BLM: variants seen among roughly 807,000 people sequenced by gnomAD.
BLM encodes recQ-like DNA helicase BLM.
Under a neutral mutation model 135.3 loss-of-function variants are expected in BLM, and 95 were observed. The ratio of observed to expected loss-of-function variants is 0.70; its 90% CI spans 0.59 to 0.83. The LOEUF (loss-of-function observed/expected upper bound fraction) is 0.83. Among genes scored for constraint, BLM ranks in the 40% least tolerant of loss-of-function variants. The pLI, the probability that BLM is intolerant of heterozygous loss-of-function variation, is 0.00. For synonymous variants in BLM, 520 were observed against 589.2 expected, an observed-to-expected ratio of 0.88 and a Z score of 1.70; for missense variants, 1,518 against 1,663.9, an observed-to-expected ratio of 0.91 and a Z score of 1.53.
intron 21 of BLM, among the ~76,000 whole-genome samples, chr15:90,812,344 C>T (rs72753655): frequency 6.6e-6 from 1 of 152,320 alleles, no homozygotes; most frequent in Non-Finnish European, 1.5e-5. Context: ...CTGTCTTCCC[C>T]TTCCCATGTT....
At chr15:90,789,267 G>A (rs1038964536) in intron 14 of BLM, among the ~76,000 whole-genome samples, 8 of 152,004 alleles carry the variant, frequency 5.3e-5, no homozygotes, top group African/African-American at 1.9e-4. Flanking sequence ...TTTTAAAAGC[G>A]CAGAAATAAA....
intron 14 of BLM, 38 bp downstream of exon 14, chr15:90,785,119 C>A (rs1369429881): frequency 1.3e-5 from 21 of 1,586,258 alleles, no homozygotes; most frequent in Non-Finnish European, 1.3e-5. Context: ...TAGAAATAAT[C>A]TTTTATAGCA....
chr15:90,814,593 C>T (rs994503976), intron 21 of BLM, among the ~76,000 whole-genome samples: 3 of 152,134 alleles, frequency 2.0e-5, no homozygotes, highest in African/African-American at 4.8e-5. Flanking sequence ...GCCAGGAAGA[C>T]GCCCAGCTTT....
intron 21 of BLM, among the ~76,000 whole-genome samples, chr15:90,813,128 C>T (rs1339794580): frequency 6.6e-6 from 1 of 152,184 alleles, no homozygotes. Context: ...GGCCTGCCCA[C>T]ACCTGCCCAG....
At chr15:90,751,212 A>G (rs1261191166) in intron 3 of BLM, among the ~76,000 whole-genome samples, 1 of 152,206 alleles carries the variant, frequency 6.6e-6, no homozygotes, top group African/African-American at 2.4e-5. Flanking sequence ...AAACCCCTGA[A>G]TCCCATTAAG....
Position 90,760,909 on chromosome 15 carries a change from A to G in BLM, c.1536A>G (p.Gly512=), listed in dbSNP as rs777277614. 19 of 1,611,710 alleles carry G rather than the reference A, an allele frequency of 1.2e-5. No homozygotes were observed. The highest frequency in any genetic ancestry group is 1.6e-4 in the Middle Eastern group (1 of 6,080). ...ACTGGGCTGAAACACCAAGACTAGG[A>G]AAAAAAAATGAAAGCTCTTATTTCC... ...SSNWAETPRL[G]KKNESSYFPG... is the part of the protein sequence containing the mutation. Residue 512 remains glycine, a synonymous_variant, in exon 7 of 22, where the codon GGA becomes GGG. Transcript: ENST00000355112.
chr15:90,742,277 C>T (rs1895384155), intron 1 of BLM, among the ~76,000 whole-genome samples: 2 of 150,802 alleles, frequency 1.3e-5, no homozygotes, highest in South Asian at 2.1e-4. Context: ...AACTCCTCCC[C>T]TTTGAACAGT....
intron 20 of BLM, 53 bp downstream of exon 20, chr15:90,809,312 G>A (rs112843609): frequency 5.0e-5 from 81 of 1,612,416 alleles, no homozygotes; most frequent in African/African-American, 4.9e-4. Flanking sequence ...GTGAAGCGAC[G>A]CGTCTCACTG....
intron 12 of BLM, among the ~76,000 whole-genome samples, chr15:90,780,891 A>G (rs1896601540): frequency 1.3e-5 from 2 of 152,266 alleles, no homozygotes; most frequent in Non-Finnish European, 2.9e-5. Flanking sequence ...GAGGATGTGC[A>G]TAGGTTATAT....
At position 90,749,677 on chromosome 15, in the gene BLM, A is replaced by G. The variant is rs890597009; in HGVS notation, c.409A>G (p.Lys137Glu). ...AAAGAAATCCCGGGATACTGCTCTC[A>G]AGAAATTAGAATTTAGTTCTTCACC... ...TVKKSRDTAL[K>E]KLEFSSSPDS... The change falls in exon 3 of 22, where the codon AAG becomes GAG. Residue 137 changes from lysine (K) to glutamate (E), a missense_variant. Physicochemically the swap from Lys to Glu is moderately conservative, Grantham distance 56. Coordinates refer to ENST00000355112, the MANE Select transcript of BLM (RefSeq NM_000057.4). 1 of 1,614,174 alleles carries G rather than the reference A, an allele frequency of 6.2e-7. No individual in the cohort carries two copies. Among genetic ancestry groups the G allele is most frequent in the Non-Finnish European group, 8.5e-7 (1 of 1,180,030 alleles).
intron 1 of BLM, among the ~76,000 whole-genome samples, chr15:90,722,618 G>T (rs1172616054): frequency 1.3e-5 from 2 of 151,968 alleles, no homozygotes; most frequent in African/African-American, 2.4e-5. Flanking sequence ...TTTAAAAAAA[G>T]TTACATAATT....
intron 16 of BLM, among the ~76,000 whole-genome samples, chr15:90,794,689 T>C (rs551224983): frequency 6.7e-6 from 1 of 149,632 alleles, no homozygotes; most frequent in Admixed American, 6.7e-5. Flanking sequence ...TAGAATATTT[T>C]AAATTTAATA....
chr15:90,722,874 C>CTTG (rs1275488152), intron 1 of BLM, among the ~76,000 whole-genome samples: 1 of 152,062 alleles, frequency 6.6e-6, no homozygotes, highest in African/African-American at 2.4e-5. Context: ...GAGTTTTGCT[C>CTTG]TTGTTGCCCA....
intron 12 of BLM, among the ~76,000 whole-genome samples, chr15:90,776,484 T>C (rs887225133): frequency 6.6e-6 from 1 of 152,158 alleles, no homozygotes; most frequent in Admixed American, 6.6e-5. Flanking sequence ...TTTGACAAAA[T>C]ACTTTTATTG....
At chr15:90,721,279 G>A (rs1894757949) in intron 1 of BLM, among the ~76,000 whole-genome samples, 1 of 151,990 alleles carries the variant, frequency 6.6e-6, no homozygotes. Context: ...TGTTCTTTAT[G>A]TGTTTTTAAT....
In BLM at chr15:90,798,231, T is replaced by C. The variant is rs751147296; in HGVS notation, c.3252T>C (p.Ile1084=). The C allele has an allele frequency of 4.3e-6, 7 of 1,610,112 alleles. No homozygotes were observed. Among genetic ancestry groups the C allele is most frequent in the Non-Finnish European group, 5.9e-6 (7 of 1,176,864 alleles). ...ATGTGACTGACGATGTGAAAAGTAT[T>C]GTAAGATTTGTTCAAGAACATAGTT... is the stretch of plus-strand genomic sequence containing the variant. ...TRDVTDDVKS[I]VRFVQEHSSS... Residue 1084 remains isoleucine, a synonymous_variant, in exon 17 of 22, where the codon ATT becomes ATC. Coordinates refer to ENST00000355112, the MANE Select transcript of BLM (RefSeq NM_000057.4).
intron 1 of BLM, among the ~76,000 whole-genome samples, chr15:90,738,827 G>C (rs1209711306): frequency 1.3e-5 from 2 of 152,164 alleles, no homozygotes; most frequent in African/African-American, 4.8e-5. Context: ...GTGTTGCTGA[G>C]GATGTGGAGA....
intron 1 of BLM, among the ~76,000 whole-genome samples, chr15:90,722,094 G>C (rs1431424008): frequency 6.6e-6 from 1 of 151,948 alleles, no homozygotes; most frequent in Non-Finnish European, 1.5e-5. Flanking sequence ...AGACCAGCCT[G>C]GCCAACAGGG....
chr15:90,805,865 C>T (rs1052201714), intron 19 of BLM, among the ~76,000 whole-genome samples: 1 of 151,834 alleles, frequency 6.6e-6, no homozygotes, highest in Non-Finnish European at 1.5e-5. Flanking sequence ...GACATTACTT[C>T]ATTATTTGTG....
Sources: allele counts gnomAD v4.1 joint callset (sites outside exome capture counted in the v4.1 genomes callset), GRCh38; gene constraint gnomAD v4.1.1; transcripts MANE v1.5; gene names NCBI Gene and HGNC (gene_info 2026-07-23, HGNC 2026-07-21).